Variants in LZTFL1 observed in about 807,000 individuals in gnomAD.
LZTFL1 encodes the protein leucine zipper transcription factor like 1.
In LZTFL1, 25 loss-of-function variants were observed where a neutral mutation model predicts 45.9. The observed-to-expected ratio is 0.54, with a 90% CI of 0.40 to 0.76. The LOEUF (loss-of-function observed/expected upper bound fraction) is 0.76, where lower values mean the gene tolerates loss of function less well. Ranked by LOEUF, LZTFL1 falls within the 30% of genes least tolerant of loss-of-function variation. LZTFL1 has a pLI of 0.00. For missense variants in LZTFL1, 277 were observed against 331.1 expected, an observed-to-expected ratio of 0.84 and a Z score of 1.27; for synonymous variants, 93 against 117.4, an observed-to-expected ratio of 0.79 and a Z score of 1.35.
intron 2 of LZTFL1, among the ~76,000 whole-genome samples, chr3:45,862,343 T>C (rs1701504551): frequency 6.6e-6 from 1 of 152,146 alleles, no homozygotes; most frequent in Admixed American, 6.5e-5. Context: ...ACCTTGGCCA[T>C]GCACGAGGTG....
At chr3:45,851,103 G>A (rs371780871) in intron 4 of LZTFL1, among the ~76,000 whole-genome samples, 5 of 152,022 alleles carry the variant, frequency 3.3e-5, no homozygotes, top group African/African-American at 1.2e-4. Context: ...GCTGTTCCAC[G>A]CCTTGTTGAA....
At chr3:45,868,223 A>G (rs550875809) in intron 2 of LZTFL1, among the ~76,000 whole-genome samples, 24 of 134,122 alleles carry the variant, frequency 1.8e-4, no homozygotes, top group Non-Finnish European at 1.1e-4. Context: ...TTTTTTTGCA[A>G]AAAAAAAAAG....
chr3:45,869,058 G>A (rs1701626776), intron 2 of LZTFL1, among the ~76,000 whole-genome samples: 1 of 152,252 alleles, frequency 6.6e-6, no homozygotes, highest in African/African-American at 2.4e-5. Context: ...CCACAGCAGA[G>A]AGAAGGCAGA....
At position 45,903,172 on chromosome 3, in the gene LZTFL1, C is replaced by T. The variant is rs1249668565; in HGVS notation, c.-215+9948G>A. ...TGTGCAATTAAAGATCAAATAGATACATTAAGAGTGTGAAGGCTGGTCTGA... is the reference window on the plus strand; with the variant it reads ...TGTGCAATTAAAGATCAAATAGATATATTAAGAGTGTGAAGGCTGGTCTGA... On this transcript the variant is annotated intron_variant, in intron 2 of 4. Coordinates refer to the LZTFL1 transcript ENST00000472635. 4 of 167,002 alleles carry T rather than the reference C, an allele frequency of 2.4e-5. No individual in the cohort carries two copies. In the Admixed American group the frequency reaches 2.6e-4, roughly 11 times the overall value. The allele number at this position is 167,002 out of a possible 1,614,324, so 10.3% of individuals were successfully genotyped here. A position where few individuals can be genotyped will look rare whatever the true frequency, so the allele number is the denominator to read the frequency against.
intron 2 of LZTFL1, among the ~76,000 whole-genome samples, chr3:45,898,381 G>C (rs1430669055): frequency 1.3e-5 from 2 of 152,230 alleles, no homozygotes; most frequent in Non-Finnish European, 2.9e-5. Flanking sequence ...TGGGTTTCCA[G>C]ACAAGGGCCA....
upstream of LZTFL1, chr3:45,842,157 A>C: frequency 6.7e-7 from 1 of 1,493,250 alleles, no homozygotes; most frequent in Non-Finnish European, 8.9e-7. Flanking sequence ...GACTGCAATT[A>C]TGCATTTTCA....
intron 2 of LZTFL1, among the ~76,000 whole-genome samples, chr3:45,906,316 C>T (rs959585527): frequency 6.6e-6 from 1 of 152,184 alleles, no homozygotes; most frequent in Non-Finnish European, 1.5e-5. Context: ...GCCACGATAC[C>T]TCCCAGAATT....
In LZTFL1 at chr3:45,900,079, G is replaced by C. The variant is rs971276006; in HGVS notation, c.-215+13041C>G. Among the ~76,000 whole-genome samples, 4 of 152,110 alleles carry C rather than the reference G, an allele frequency of 2.6e-5. No individual in the cohort carries two copies. Among genetic ancestry groups the C allele is most frequent in the African/African-American group, 4.8e-5 (2 of 41,406 alleles). Reference sequence around the variant, plus strand: ...ACATATGAGTGTGTGTGCTTGTTGGGGCCAGCTTCATGGCTGTGCAACCCA... The same window carrying C: ...ACATATGAGTGTGTGTGCTTGTTGGCGCCAGCTTCATGGCTGTGCAACCCA... On this transcript the variant is annotated intron_variant, in intron 2 of 4. Coordinates refer to the LZTFL1 transcript ENST00000472635. The surrounding 1 kb of genome is among the most constrained non-coding windows in gnomAD (Gnocchi z 4.7).
chr3:45,885,455 T>G (rs75018424), intron 2 of LZTFL1, among the ~76,000 whole-genome samples: 11,551 of 152,266 alleles, frequency 0.076, 491 homozygotes, highest in African/African-American at 0.1. Context: ...TTAATACAAT[T>G]TATTGTATTA....
At chr3:45,910,302 T>A (rs569543737) in intron 2 of LZTFL1, among the ~76,000 whole-genome samples, 1 of 152,232 alleles carries the variant, frequency 6.6e-6, no homozygotes, top group South Asian at 2.1e-4. Flanking sequence ...GGATGGCTTT[T>A]GACTTACTCT....
chr3:45,827,483 C>T (rs200836145), intron 8 of LZTFL1, 24 bp from the exon 9 acceptor site: 2 of 1,433,258 alleles, frequency 1.4e-6, no homozygotes, highest in Non-Finnish European at 2.0e-6. Context: ...AATGTCAGCC[C>T]ATTACTAAAA....
At chr3:45,844,494 A>G (rs765750139), upstream of LZTFL1, among the ~76,000 whole-genome samples, 2 of 152,222 alleles carry the variant, frequency 1.3e-5, no homozygotes, top group African/African-American at 2.4e-5. Flanking sequence ...TAAAAATCTG[A>G]AAGGTTATAT....
At chr3:45,895,039 G>A in intron 2 of LZTFL1, 1 of 1,357,440 alleles carries the variant, frequency 7.4e-7, no homozygotes, top group Non-Finnish European at 1.1e-6. Context: ...CCACTGTGGG[G>A]GAAGGATTTA....
chr3:45,838,653 G>A lies in LZTFL1; in HGVS notation c.4-602C>T, dbSNP rs1249569852. On this transcript the variant is annotated intron_variant, in intron 1 of 9. Coordinates refer to ENST00000296135, the MANE Select transcript of LZTFL1 (RefSeq NM_020347.4). ...AACTGGTCTGTACTTTAAACCAGAT[G>A]ACAGCTTGACAAATATTTAAGAGGC... Among the ~76,000 whole-genome samples, 11 of 152,224 alleles carry A rather than the reference G, an allele frequency of 7.2e-5. No homozygotes were observed. The East Asian group carries it at 2.1e-3, about 29-fold the overall frequency.
At chr3:45,835,562 T>A in intron 3 of LZTFL1, 28 bp downstream of exon 3, 1 of 1,596,872 alleles carries the variant, frequency 6.3e-7, no homozygotes. Flanking sequence ...GCCATTATTG[T>A]CACAGTTGCA....
At chr3:45,877,871 G>A (rs1251266251) in intron 2 of LZTFL1, among the ~76,000 whole-genome samples, 2 of 150,926 alleles carry the variant, frequency 1.3e-5, no homozygotes, top group Non-Finnish European at 2.9e-5. Context: ...TCAGCCTCCT[G>A]AGTAGCTGGA....
At chr3:45,897,668 C>T in intron 2 of LZTFL1, 1 of 1,431,722 alleles carries the variant, frequency 7.0e-7, no homozygotes, top group South Asian at 1.3e-5. Context: ...CTGGCCTTCC[C>T]ACCTGCCCCC....
At chr3:45,870,167 T>C (rs2125715785) in intron 2 of LZTFL1, among the ~76,000 whole-genome samples, 1 of 152,306 alleles carries the variant, frequency 6.6e-6, no homozygotes, top group African/African-American at 2.4e-5. Context: ...GGGTAGCATG[T>C]TACAAGGGTG....
At chr3:45,891,912 T>C (rs1702190947) in intron 2 of LZTFL1, among the ~76,000 whole-genome samples, 1 of 152,200 alleles carries the variant, frequency 6.6e-6, no homozygotes, top group African/African-American at 2.4e-5. Flanking sequence ...GGAATAAAGA[T>C]GATGTGTCTT....
Sources: gnomAD v4.1 joint callset for allele counts (sites outside exome capture counted in the v4.1 genomes callset) on GRCh38, gnomAD v4.1.1 for gene constraint, Gnocchi (gnomAD v3.1) non-coding constraint, MANE v1.5 for transcripts, NCBI Gene and HGNC (gene_info 2026-07-23, HGNC 2026-07-21) for gene names.